The following ZNF804B variants were observed in gnomAD, a reference collection of about 807,000 sequenced individuals.
ZNF804B encodes zinc finger 804B.
Under a neutral mutation model 101.4 loss-of-function variants are expected in ZNF804B, and 80 were observed. The observed-to-expected ratio is 0.79, with a 90% CI of 0.66 to 0.95. The LOEUF (loss-of-function observed/expected upper bound fraction) is 0.95. Among genes scored for constraint, ZNF804B ranks in the 40% least tolerant of loss-of-function variants. The probability of loss-of-function intolerance (pLI) is 0.00; values close to 1 mark genes in which losing one functional copy is unlikely to be tolerated. For synonymous variants in ZNF804B, 622 were observed against 558.8 expected (o/e 1.11, Z -1.59); for missense variants, 1,673 against 1,561.9 (o/e 1.07, Z -1.20).
intron 2 of ZNF804B, among the ~76,000 whole-genome samples, chr7:89,231,257 C>T (rs1789186996): frequency 6.6e-6 from 1 of 151,970 alleles, no homozygotes; most frequent in Non-Finnish European, 1.5e-5. Context: ...GATTATTATT[C>T]ATAAATGTAT....
At chr7:89,295,784 A>G (rs1790372883) in intron 2 of ZNF804B, among the ~76,000 whole-genome samples, 1 of 152,122 alleles carries the variant, frequency 6.6e-6, no homozygotes, top group South Asian at 2.1e-4. Flanking sequence ...TAGATAAAGA[A>G]AATGTGGTAT....
chr7:89,311,716 G>A (rs1383544950), intron 2 of ZNF804B, among the ~76,000 whole-genome samples: 1 of 152,050 alleles, frequency 6.6e-6, no homozygotes, highest in Non-Finnish European at 1.5e-5. Flanking sequence ...TAACTCAGTT[G>A]GAAAAGCAAT....
intron 1 of ZNF804B, among the ~76,000 whole-genome samples, chr7:89,191,500 A>G (rs550304782): frequency 1.3e-5 from 2 of 152,190 alleles, no homozygotes; most frequent in East Asian, 3.9e-4. Context: ...ATAGCCCACA[A>G]ATTATTGAGT....
intron 1 of ZNF804B, among the ~76,000 whole-genome samples, chr7:88,990,860 C>T (rs1474733914): frequency 6.6e-6 from 1 of 152,074 alleles, no homozygotes; most frequent in Non-Finnish European, 1.5e-5. Flanking sequence ...CCCTATTATA[C>T]CACTGCCTAA....
intron 3 of ZNF804B, 80 bp from the exon 4 acceptor site, chr7:89,333,283 G>T: frequency 7.6e-7 from 1 of 1,320,102 alleles, no homozygotes; most frequent in South Asian, 1.7e-5. Context: ...ACTCATCTTA[G>T]AAACACTATG....
intron 1 of ZNF804B, among the ~76,000 whole-genome samples, chr7:88,762,446 G>T (rs1173985149): frequency 4.6e-5 from 7 of 152,046 alleles, no homozygotes; most frequent in Admixed American, 4.6e-4. Context: ...CTACCTTCTG[G>T]ACCTTAGACC....
intron 1 of ZNF804B, among the ~76,000 whole-genome samples, chr7:88,826,736 A>G (rs1285532827): frequency 6.6e-6 from 1 of 152,136 alleles, no homozygotes; most frequent in African/African-American, 2.4e-5. Flanking sequence ...TTATTTTTAA[A>G]TGAAAAATGA....
At chr7:89,057,024 G>T (rs1472776892) in intron 1 of ZNF804B, among the ~76,000 whole-genome samples, 2 of 152,108 alleles carry the variant, frequency 1.3e-5, no homozygotes, top group South Asian at 2.1e-4. Context: ...GGAAGAAGCT[G>T]TATTTTCATG....
chr7:89,156,044 C>CT (rs1790962589), intron 1 of ZNF804B, among the ~76,000 whole-genome samples: 1 of 82,862 alleles, frequency 1.2e-5, no homozygotes, highest in African/African-American at 4.4e-5. Context: ...TTCTTTCTTT[C>CT]TTTCTTTCTT....
chr7:89,125,783 A>G (rs1250045641), intron 1 of ZNF804B, among the ~76,000 whole-genome samples: 1 of 152,098 alleles, frequency 6.6e-6, no homozygotes. Context: ...CTAACTGCAA[A>G]TTTTAGAGGT....
intron 1 of ZNF804B, among the ~76,000 whole-genome samples, chr7:89,068,275 A>G (rs1789484584): frequency 6.6e-6 from 1 of 151,738 alleles, no homozygotes; most frequent in African/African-American, 2.4e-5. Flanking sequence ...GTTACTTTCC[A>G]TAATAAGAGT....
chr7:89,195,851 A>C (rs1338636252), intron 1 of ZNF804B, among the ~76,000 whole-genome samples: 1 of 149,928 alleles, frequency 6.7e-6, no homozygotes, highest in Non-Finnish European at 1.5e-5. Context: ...TTACAAGAGA[A>C]GTGAAGGACC....
chr7:89,069,451 T>C (rs1290739556), intron 1 of ZNF804B, among the ~76,000 whole-genome samples: 1 of 152,176 alleles, frequency 6.6e-6, no homozygotes, highest in African/African-American at 2.4e-5. Flanking sequence ...AGAAATATCA[T>C]GCATACTTCA....
At chr7:88,941,567 T>G (rs904410617) in intron 1 of ZNF804B, among the ~76,000 whole-genome samples, 1 of 151,962 alleles carries the variant, frequency 6.6e-6, no homozygotes, top group African/African-American at 2.4e-5. Flanking sequence ...GGAAAAATTA[T>G]GGAGACAGTA....
At chr7:88,779,606 C>T (rs6966002) in intron 1 of ZNF804B, among the ~76,000 whole-genome samples, 46,149 of 149,656 alleles carry the variant, frequency 0.31, 8,280 homozygotes, top group African/African-American at 0.5. Flanking sequence ...GCTGGAGACA[C>T]TGTTATCTTT....
intron 2 of ZNF804B, among the ~76,000 whole-genome samples, chr7:89,249,067 A>C (rs987467332): frequency 2.0e-5 from 3 of 152,046 alleles, no homozygotes; most frequent in Admixed American, 6.6e-5. Flanking sequence ...GGCATTACAT[A>C]ATAAAGTGTT....
rs529627113 is a variant in ZNF804B, at chr7:89,131,929, A to G, written c.109-86226A>G. ...TTAAAACCTAATTGGATAATTTTGT[A>G]CATGAATAACTAAATGCAAATTCAA... On this transcript the variant is annotated intron_variant, in intron 1 of 3. Coordinates refer to ENST00000333190, the MANE Select transcript of ZNF804B (RefSeq NM_181646.5). Among the ~76,000 whole-genome samples, 5 of 152,130 alleles carry G rather than the reference A, an allele frequency of 3.3e-5. No individual in the cohort carries two copies. In the South Asian group the frequency reaches 1.0e-3, roughly 32 times the overall value.
chr7:88,781,376 G>T (rs1790223545), intron 1 of ZNF804B, among the ~76,000 whole-genome samples: 1 of 152,138 alleles, frequency 6.6e-6, no homozygotes, highest in African/African-American at 2.4e-5. Context: ...GCTTTGACTT[G>T]CTAAAACATG....
At chr7:89,240,507 T>C (rs755559727) in intron 2 of ZNF804B, among the ~76,000 whole-genome samples, 7 of 152,068 alleles carry the variant, frequency 4.6e-5, no homozygotes, top group Non-Finnish European at 1.0e-4. Context: ...TAGTTGTCAA[T>C]GTATCTCACC....
Sources: gnomAD v4.1 joint callset for allele counts (sites outside exome capture counted in the v4.1 genomes callset) on GRCh38, gnomAD v4.1.1 for gene constraint, MANE v1.5 for transcripts, NCBI Gene and HGNC (gene_info 2026-07-23, HGNC 2026-07-21) for gene names.